Variants in DIDO1 observed in about 807,000 individuals in gnomAD.
DIDO1 encodes the protein death inducer-obliterator 1, also known as death-inducer obliterator 1.
In DIDO1, 16 loss-of-function variants were observed where a neutral mutation model predicts 99.4. That is an observed-to-expected ratio of 0.16 (90% CI 0.11 to 0.24). DIDO1 has a LOEUF of 0.24. Among genes scored for constraint, DIDO1 ranks in the 10% least tolerant of loss-of-function variants. The probability of loss-of-function intolerance (pLI) is 1.00; values close to 1 mark genes in which losing one functional copy is unlikely to be tolerated. For synonymous variants in DIDO1, 1,366 were observed against 1,239.1 expected (o/e 1.10, Z -2.15); for missense variants, 2,996 against 3,014.0 (o/e 0.99, Z 0.14).
Position 62,896,844 on chromosome 20 carries a change from G to C in DIDO1, c.1741C>G (p.Pro581Ala). Residue 581 changes from proline (P) to alanine (A), a missense_variant, in exon 7 of 16, where the codon CCA (proline) becomes GCA (alanine). Physicochemically the swap from Pro to Ala is conservative, Grantham distance 27. This residue lies in a region of DIDO1 where 898 missense variants were observed against 972.7 expected (regional missense o/e 0.92). Coordinates refer to ENST00000395343, the MANE Select transcript of DIDO1 (RefSeq NM_001193369.2). The surrounding 1 kb of genome is among the most constrained non-coding windows in gnomAD (Gnocchi z 4.4). ...SSFANVAAAT[P>A]AIKKPPSGFK... Reference sequence around the variant, plus strand: ...CCTGAGGGTGGCTTTTTAATGGCTGGTGTGGCTGCTGCCACATTAGCAAAA... The same window carrying C: ...CCTGAGGGTGGCTTTTTAATGGCTGCTGTGGCTGCTGCCACATTAGCAAAA... 6.2e-7 allele frequency: 1 copy of C among 1,614,024 alleles called. No individual in the cohort carries two copies. The highest frequency in any genetic ancestry group is 8.5e-7 in the Non-Finnish European group (1 of 1,180,046).
chr20:62,905,617 G>A, intron 6 of DIDO1: 3 of 1,553,230 alleles, frequency 1.9e-6, no homozygotes. Flanking sequence ...AGTGAAAACA[G>A]AGATTAAAGA....
Position 62,896,722 on chromosome 20 carries a change from T to C in DIDO1, c.1863A>G (p.Ala621=), listed in dbSNP as rs910149. ...ARQAGPAPAA[A]TAASKKFPGS... ...CAGGGAACTTCTTGGAGGCAGCCGT[T>C]GCCGCTGCAGGTGCCGGTCCGGCCT... Residue 621 remains alanine (A), a synonymous_variant, in exon 7 of 16, where the codon GCA becomes GCG. Coordinates refer to ENST00000395343, the MANE Select transcript of DIDO1 (RefSeq NM_001193369.2). The surrounding 1 kb of genome is among the most constrained non-coding windows in gnomAD (Gnocchi z 4.4). 865,297 of 1,613,350 alleles carry C rather than the reference T, an allele frequency of 0.54. 239,440 individuals are homozygous for C. The highest frequency in any genetic ancestry group is 0.88 in the African/African-American group (66,115 of 75,024).
At chr20:62,885,020 C>T (rs58170420) in intron 15 of DIDO1, among the ~76,000 whole-genome samples, 11,805 of 152,266 alleles carry the variant, frequency 0.078, 508 homozygotes, top group African/African-American at 0.11. Context: ...TATCTGTTTA[C>T]TGAATAAGCT....
upstream of DIDO1, among the ~76,000 whole-genome samples, chr20:62,929,503 T>C (rs1241933104): frequency 5.9e-5 from 9 of 151,856 alleles, no homozygotes; most frequent in South Asian, 4.1e-4. Context: ...AACATAGTTC[T>C]TTCTGGCCGG....
At chr20:62,897,120 CAT>C (rs1343439205) in intron 6 of DIDO1, 124 bp from the exon 7 acceptor site, 5 of 857,884 alleles carry the variant, frequency 5.8e-6, no homozygotes, top group Middle Eastern at 3.6e-4. Flanking sequence ...ATAGGATACA[CAT>C]AGAGAAAAGG....
chr20:62,927,365 T>A (rs755572670), upstream of DIDO1, among the ~76,000 whole-genome samples: 6 of 152,172 alleles, frequency 3.9e-5, no homozygotes, highest in African/African-American at 7.2e-5. Flanking sequence ...CAACCTTCCA[T>A]GTGGATTTTC....
intron 1 of DIDO1, among the ~76,000 whole-genome samples, chr20:62,922,752 G>C (rs1257579325): frequency 1.3e-5 from 2 of 152,208 alleles, no homozygotes; most frequent in Non-Finnish European, 2.9e-5. Context: ...TGGAGAGAAA[G>C]GCCCTCTTAG....
intron 1 of DIDO1, among the ~76,000 whole-genome samples, chr20:62,934,291 C>G (rs1336899257): frequency 6.6e-6 from 1 of 152,214 alleles, no homozygotes; most frequent in Middle Eastern, 3.2e-3. Flanking sequence ...TCATGCACAC[C>G]TGGCTGTAGT....
At position 62,909,777 on chromosome 20, in the gene DIDO1, G is replaced by A. The variant is rs768573079; in HGVS notation, c.1083C>T (p.Ser361=). Residue 361 remains serine, a synonymous_variant, in exon 4 of 16, where the codon AGC becomes AGT. Transcript: ENST00000395343. The stretch of plus-strand genomic sequence containing the variant: ...TTCTACCCTTTATCCCTTGGTCTTC[G>A]CTAGACTTCTGCTCTATTGTTCCTA... ...TSIGTIEQKS[S]EDQGIKGRIE... is the part of the protein sequence containing the mutation. The A allele has an allele frequency of 8.7e-6, 14 of 1,614,198 alleles. No homozygotes were observed. Among genetic ancestry groups the A allele is most frequent in the East Asian group, 2.2e-5 (1 of 44,884 alleles).
In DIDO1 at chr20:62,922,103, TATATATACAC is replaced by T. The variant is rs2065157816; in HGVS notation, c.-200+4326_-200+4335del. ...ATATACACACTATATATACACACTA[TATATATACAC>T]ACACACACACACATATATACATATA... On this transcript the variant is annotated intron_variant, in intron 1 of 15. Transcript: ENST00000395343. 3.2e-4 allele frequency among the ~76,000 whole-genome samples: 21 copies of T among 65,170 alleles called. No homozygotes were observed. In the Admixed American group the frequency reaches 3.4e-3, roughly 11 times the overall value. The allele number at this position is 65,170 out of a possible 152,430, so 42.8% of individuals were successfully genotyped here.
Position 62,881,434 on chromosome 20 carries a change from C to G in DIDO1, c.4522G>C (p.Gly1508Arg), listed in dbSNP as rs1461842846. Reference sequence around the variant, plus strand: ...ACCGAGAAGTGGGCCATGGAGACCCCGACGGCGGCCCTCTGCTGCCTGAGA... The same window carrying G: ...ACCGAGAAGTGGGCCATGGAGACCCGGACGGCGGCCCTCTGCTGCCTGAGA... Reference protein sequence around the residue: ...EALRQQRAAVGVSMAHFSVSD... With the variant: ...EALRQQRAAVRVSMAHFSVSD... Residue 1508 changes from glycine to arginine, a missense_variant, in exon 16 of 16, where the codon GGG becomes CGG. Coordinates refer to ENST00000395343, the MANE Select transcript of DIDO1 (RefSeq NM_001193369.2). This position sits in a 1 kb window ranked among gnomAD's most constrained non-coding sequence, Gnocchi z 8.3. 5 of 1,608,794 alleles carry G rather than the reference C, an allele frequency of 3.1e-6. No homozygotes were observed. Among genetic ancestry groups the G allele is most frequent in the Non-Finnish European group, 4.2e-6 (5 of 1,179,972 alleles).
chr20:62,932,651 T>C (rs1325428200), intron 1 of DIDO1, among the ~76,000 whole-genome samples: 5 of 152,220 alleles, frequency 3.3e-5, no homozygotes, highest in Non-Finnish European at 7.3e-5. Context: ...CACATTTGTT[T>C]CAGGTAACAG....
intron 6 of DIDO1, among the ~76,000 whole-genome samples, chr20:62,899,752 G>GA (rs1162629860): frequency 4.6e-5 from 7 of 152,202 alleles, no homozygotes; most frequent in Non-Finnish European, 1.0e-4. Flanking sequence ...GTGAACGGCA[G>GA]AATGTTCCAA....
At chr20:62,935,369 A>C (rs573883568) in intron 1 of DIDO1, among the ~76,000 whole-genome samples, 1 of 152,336 alleles carries the variant, frequency 6.6e-6, no homozygotes, top group East Asian at 1.9e-4. Context: ...ATTTAGCCAT[A>C]ATCAACTCAC....
At chr20:62,922,765 G>A (rs770911535) in intron 1 of DIDO1, among the ~76,000 whole-genome samples, 1 of 152,190 alleles carries the variant, frequency 6.6e-6, no homozygotes, top group Non-Finnish European at 1.5e-5. Flanking sequence ...CCTCTTAGGC[G>A]AGTCTATTTG....
At position 62,903,937 on chromosome 20, in the gene DIDO1, T is replaced by C. The variant is rs550500357; in HGVS notation, c.1588+1950A>G. The stretch of plus-strand genomic sequence containing the variant: ...CTGGTCGACCTCTCCCCGCTCACAG[T>C]GCAGGAGGCAGGCAGGAAGCAATAA... On this transcript the variant is annotated intron_variant, in intron 6 of 15. Transcript: ENST00000395343. Among the ~76,000 whole-genome samples the C allele has an allele frequency of 1.3e-4, 20 of 152,268 alleles. No individual in the cohort carries two copies. The South Asian group carries it at 3.7e-3, about 28-fold the overall frequency.
chr20:62,913,176 TA>T (rs201147640), intron 2 of DIDO1, among the ~76,000 whole-genome samples: 1,562 of 152,352 alleles, frequency 0.01, 14 homozygotes, highest in South Asian at 0.024. Context: ...CCACGCTCTG[TA>T]AACATGACCC....
chr20:62,906,179 C>A lies in DIDO1; in HGVS notation c.1375-79G>T, dbSNP rs2064800274. On this transcript the variant is annotated intron_variant, in intron 5 of 15. Transcript: ENST00000395343. ...ACTTCATTTCACTGAGAGATGAAGG[C>A]GGGGACCCAATGTCTTCCTGAGGCC... 3.3e-6 allele frequency: 5 copies of A among 1,520,600 alleles called. No individual in the cohort carries two copies. The African/African-American group carries it at 4.1e-5, about 13-fold the overall frequency. 94.2% of individuals were successfully genotyped at this position (1,520,600 alleles called of 1,614,324 possible). A position where few individuals can be genotyped will look rare whatever the true frequency, so the allele number is the denominator to read the frequency against.
chr20:62,898,287 C>A (rs1054179709), intron 6 of DIDO1, among the ~76,000 whole-genome samples: 1 of 152,230 alleles, frequency 6.6e-6, no homozygotes, highest in Admixed American at 6.5e-5. Context: ...CATGTGCTGC[C>A]AGGCTTGGCC....
Sources: allele counts gnomAD v4.1 joint callset (sites outside exome capture counted in the v4.1 genomes callset), GRCh38; gene constraint gnomAD v4.1.1; regional missense constraint gnomAD v4.1.1; non-coding constraint Gnocchi (gnomAD v3.1); transcripts MANE v1.5; gene names NCBI Gene and HGNC (gene_info 2026-07-23, HGNC 2026-07-21).